Variants in ABCA1 observed in about 807,000 individuals in gnomAD.
ABCA1 encodes ATP binding cassette subfamily A member 1.
ABCA1 carries 133 observed loss-of-function variants against 262.5 expected under a neutral mutation model. The observed-to-expected ratio is 0.51, with a 90% confidence interval of 0.44 to 0.59. The LOEUF (loss-of-function observed/expected upper bound fraction) is 0.59. Among genes scored for constraint, ABCA1 ranks in the 20% least tolerant of loss-of-function variants. ABCA1 has a pLI of 0.00. For synonymous variants in ABCA1, 1,022 were observed against 1,043.5 expected (o/e 0.98, Z 0.40); for missense variants, 2,452 against 2,777.5 (o/e 0.88, Z 2.63).
chr9:104,791,469 C>T (rs532227011), intron 43 of ABCA1, among the ~76,000 whole-genome samples: 12 of 151,932 alleles, frequency 7.9e-5, no homozygotes, highest in African/African-American at 2.4e-4. Flanking sequence ...GAGTCTCACT[C>T]TGTCACCAGG....
chr9:104,829,001 T>C lies in ABCA1; in HGVS notation c.2030A>G (p.Asp677Gly). The C allele has an allele frequency of 6.2e-7, 1 of 1,614,176 alleles. No homozygotes were observed. ...CCAGCTAAACCAGAGGATGCTGTTG[T>C]CCAGGCCCATGATCCGCATGGTCTC... ...LKETMRIMGL[D>G]NSILWFSWFI... Residue 677 changes from aspartate to glycine, a missense_variant, in exon 15 of 50, where the codon GAC becomes GGC. Physicochemically the swap from Asp to Gly is moderately conservative, Grantham distance 94 (BLOSUM62 -1). This residue lies in a region of ABCA1 where 1,032 missense variants were observed against 1,089.7 expected (regional missense o/e 0.95). Transcript: ENST00000374736.
At chr9:104,881,102 C>T (rs974524941) in intron 5 of ABCA1, among the ~76,000 whole-genome samples, 7 of 152,032 alleles carry the variant, frequency 4.6e-5, no homozygotes, top group African/African-American at 1.4e-4. Context: ...TGAGCCAAGA[C>T]TGCGCCACTG....
chr9:104,860,755 CTTT>C (rs762423202), intron 6 of ABCA1, among the ~76,000 whole-genome samples: 1 of 115,848 alleles, frequency 8.6e-6, no homozygotes. Flanking sequence ...TTATAAAATT[CTTT>C]TTTTTTTTTT....
At chr9:104,819,312 A>T (rs977040954) in intron 22 of ABCA1, among the ~76,000 whole-genome samples, 1 of 152,152 alleles carries the variant, frequency 6.6e-6, no homozygotes, top group African/African-American at 2.4e-5. Context: ...AGAGAGCCCA[A>T]TCGTCTTCCT....
chr9:104,853,940 C>G (rs1276565831), intron 7 of ABCA1, among the ~76,000 whole-genome samples: 2 of 152,204 alleles, frequency 1.3e-5, no homozygotes, highest in African/African-American at 4.8e-5. Context: ...CATTTCATAG[C>G]AAATGCACTG....
intron 32 of ABCA1, among the ~76,000 whole-genome samples, 168 bp from the exon 33 acceptor site, chr9:104,803,484 G>A (rs1451770879): frequency 6.6e-6 from 1 of 152,054 alleles, no homozygotes; most frequent in African/African-American, 2.4e-5. Context: ...CTGTGTTCAG[G>A]CCTCTTCCAG....
At chr9:104,905,845 C>T (rs1182714902) in intron 1 of ABCA1, among the ~76,000 whole-genome samples, 1 of 152,102 alleles carries the variant, frequency 6.6e-6, no homozygotes, top group African/African-American at 2.4e-5. Context: ...GAGGAGGGGA[C>T]AATTAAAAAA....
Position 104,861,788 on chromosome 9 carries a change from T to A in ABCA1, c.434A>T (p.Gln145Leu), listed in dbSNP as rs1348849954. ...GGTTTCATTGTCCACCAGGAAATCT[T>A]GAAGCTTCAAGTCTATTGAGAAATA... is the stretch of plus-strand genomic sequence containing the variant. ...IKKSSSNLKL[Q>L]DFLVDNETFS... Residue 145 changes from glutamine to leucine, a missense_variant, in exon 6 of 50, where the codon CAA (glutamine) becomes CTA (leucine). This residue lies in a region of ABCA1 where 1,032 missense variants were observed against 1,089.7 expected (regional missense o/e 0.95). Transcript: ENST00000374736. 6.2e-7 allele frequency: 1 copy of A among 1,613,338 alleles called. No individual in the cohort carries two copies. The highest frequency in any genetic ancestry group is 1.1e-5 in the South Asian group (1 of 91,056).
chr9:104,805,780 A>C (rs1371179150), intron 31 of ABCA1, among the ~76,000 whole-genome samples: 1 of 152,204 alleles, frequency 6.6e-6, no homozygotes, highest in Non-Finnish European at 1.5e-5. Context: ...CAAAACTCAC[A>C]TGCTTTTTCT....
chr9:104,874,708 G>A (rs531439588), intron 5 of ABCA1, among the ~76,000 whole-genome samples: 3 of 152,250 alleles, frequency 2.0e-5, no homozygotes, highest in Admixed American at 6.5e-5. Flanking sequence ...GACCAACATG[G>A]TAAAACCCCA....
chr9:104,830,323 G>T (rs1833175422), intron 14 of ABCA1, among the ~76,000 whole-genome samples: 1 of 152,214 alleles, frequency 6.6e-6, no homozygotes, highest in African/African-American at 2.4e-5. Context: ...GTATGTGCTT[G>T]CATGTGTTTG....
rs552787469 is a variant in ABCA1, at chr9:104,783,620, C to G, written c.*695G>C. The G allele has an allele frequency of 6.5e-6, 1 of 152,698 alleles. No individual in the cohort carries two copies. Among genetic ancestry groups the G allele is most frequent in the East Asian group, 1.9e-4 (1 of 5,186 alleles). 9.5% of individuals were successfully genotyped at this position (152,698 alleles called of 1,614,324 possible). On this transcript the variant is annotated 3_prime_UTR_variant, in exon 50 of 50. Transcript: ENST00000374736. The stretch of plus-strand genomic sequence containing the variant: ...AACAATGGAACCAAGTTTCCCGTGC[C>G]TGGAGACACCCACATTTTTGTTGCA...
intron 1 of ABCA1, among the ~76,000 whole-genome samples, chr9:104,911,028 T>C (rs79678596): frequency 0.017 from 2,588 of 152,272 alleles, 69 homozygotes; most frequent in African/African-American, 0.059. Context: ...CTTGATGAGG[T>C]TGCTTCTAGA....
At chr9:104,846,726 A>C (rs550563169) in intron 7 of ABCA1, among the ~76,000 whole-genome samples, 1 of 152,354 alleles carries the variant, frequency 6.6e-6, no homozygotes, top group African/African-American at 2.4e-5. Context: ...CTCTTCTGGA[A>C]CGGGTTCTTC....
chr9:104,803,741 G>A (rs560198981), intron 32 of ABCA1, among the ~76,000 whole-genome samples: 1 of 152,184 alleles, frequency 6.6e-6, no homozygotes, highest in Admixed American at 6.5e-5. Flanking sequence ...CCAAGTAGCT[G>A]GGATTACAGG....
intron 30 of ABCA1, 148 bp downstream of exon 30, chr9:104,809,318 T>C: frequency 1.2e-6 from 1 of 842,178 alleles, no homozygotes; most frequent in Non-Finnish European, 2.0e-6. Context: ...GGTTACTACC[T>C]TCGCTTTTTG....
At chr9:104,790,356 T>A (rs139449871) in intron 44 of ABCA1, among the ~76,000 whole-genome samples, 2 of 152,312 alleles carry the variant, frequency 1.3e-5, no homozygotes, top group Non-Finnish European at 2.9e-5. Context: ...TGGAAACTAA[T>A]GTGTCCAACA....
chr9:104,890,680 C>A (rs1464677076), intron 2 of ABCA1, among the ~76,000 whole-genome samples: 1 of 151,698 alleles, frequency 6.6e-6, no homozygotes. Context: ...CTCACTGGAA[C>A]GTCAAACTCT....
At position 104,784,265 on chromosome 9, in the gene ABCA1, GAA is replaced by G. The variant is rs754415338; in HGVS notation, c.*48_*49del. On this transcript the variant is annotated 3_prime_UTR_variant, in exon 50 of 50. Coordinates refer to ENST00000374736, the MANE Select transcript of ABCA1 (RefSeq NM_005502.4). ...CCACAACACTTCACATGGTGCAAAG[GAA>G]AGTCTAGTTCCTCTTTACTTTCAGC... 2 of 1,611,852 alleles carry G rather than the reference GAA, an allele frequency of 1.2e-6. No individual in the cohort carries two copies. The highest frequency in any genetic ancestry group is 1.7e-4 in the Middle Eastern group (1 of 6,048).
Sources: allele counts gnomAD v4.1 joint callset (sites outside exome capture counted in the v4.1 genomes callset), GRCh38; gene constraint gnomAD v4.1.1; regional missense constraint gnomAD v4.1.1; transcripts MANE v1.5; gene names NCBI Gene and HGNC (gene_info 2026-07-23, HGNC 2026-07-21).